ST6GAL2: variants seen among roughly 807,000 people sequenced by gnomAD.
ST6GAL2 encodes ST6 beta-galactoside alpha-2,6-sialyltransferase 2, also known as beta-galactoside alpha-2,6-sialyltransferase 2.
ST6GAL2 carries 24 observed loss-of-function variants against 37.5 expected under a neutral mutation model. The observed-to-expected ratio is 0.64, with a 90% CI of 0.46 to 0.90. ST6GAL2 has a LOEUF of 0.90. Ranked by LOEUF, ST6GAL2 falls within the 40% of genes least tolerant of loss-of-function variation. The pLI is 0.00. For synonymous variants in ST6GAL2, 306 were observed against 295.1 expected, an observed-to-expected ratio of 1.04 and a Z score of -0.38; for missense variants, 715 against 712.7, an observed-to-expected ratio of 1.00 and a Z score of -0.04.
At chr2:106,833,764 C>A (rs1381238382) in intron 3 of ST6GAL2, among the ~76,000 whole-genome samples, 1 of 152,146 alleles carries the variant, frequency 6.6e-6, no homozygotes, top group Non-Finnish European at 1.5e-5. Flanking sequence ...TCACAAAATG[C>A]AACATGCTAA....
intron 2 of ST6GAL2, among the ~76,000 whole-genome samples, chr2:106,841,789 C>T (rs1428305500): frequency 1.3e-5 from 2 of 152,146 alleles, no homozygotes; most frequent in Non-Finnish European, 2.9e-5. Context: ...CACCACTCTG[C>T]AGGAGGGAAA....
chr2:106,848,349 G>A (rs2104538462), intron 1 of ST6GAL2, among the ~76,000 whole-genome samples: 1 of 152,320 alleles, frequency 6.6e-6, no homozygotes, highest in East Asian at 1.9e-4. Context: ...TGATTTAAAA[G>A]ACAGTCTTTT....
intron 1 of ST6GAL2, among the ~76,000 whole-genome samples, chr2:106,872,332 G>A (rs983170423): frequency 6.6e-6 from 1 of 152,232 alleles, no homozygotes; most frequent in African/African-American, 2.4e-5. Context: ...TTGTGCTTAT[G>A]TTGTGGAAAT....
At chr2:106,853,865 C>T (rs578148051) in intron 1 of ST6GAL2, among the ~76,000 whole-genome samples, 2 of 152,298 alleles carry the variant, frequency 1.3e-5, no homozygotes, top group African/African-American at 4.8e-5. Flanking sequence ...CACAAGCTGC[C>T]TACTAGTTAG....
At chr2:106,877,741 C>A (rs895627403) in intron 1 of ST6GAL2, among the ~76,000 whole-genome samples, 1 of 152,224 alleles carries the variant, frequency 6.6e-6, no homozygotes, top group Non-Finnish European at 1.5e-5. Context: ...ACCATATATA[C>A]ATAAAACAAA....
chr2:106,831,360 G>T (rs1676414204), intron 4 of ST6GAL2, among the ~76,000 whole-genome samples: 1 of 152,190 alleles, frequency 6.6e-6, no homozygotes, highest in African/African-American at 2.4e-5. Flanking sequence ...TCTGTGCCCT[G>T]GGCTGAGCTG....
In ST6GAL2 at chr2:106,806,322, G is replaced by A. The variant is rs75585181; in HGVS notation, c.*356C>T. On this transcript the variant is annotated 3_prime_UTR_variant, in exon 6 of 6. Coordinates refer to ENST00000409382, the MANE Select transcript of ST6GAL2 (RefSeq NM_001142351.2). ...AACATAAACCACTTCATATGGTCAG[G>A]AACATCACCAAAACCTGTCATTGAA... 24 of 221,062 alleles carry A rather than the reference G, an allele frequency of 1.1e-4. No individual in the cohort carries two copies. In the East Asian group the frequency reaches 2.6e-3, roughly 24 times the overall value. The allele number at this position is 221,062 out of a possible 1,614,324, so 13.7% of individuals were successfully genotyped here. A position where few individuals can be genotyped will look rare whatever the true frequency, so the allele number is the denominator to read the frequency against.
rs561673834 is a variant in ST6GAL2 at position 106,851,447 on chromosome 2, A to C, written c.-57-7413T>G. The stretch of plus-strand genomic sequence containing the variant: ...TTCTGAGAGAAATGACATTTTCCAA[A>C]AGGCACAATTTATTACGAGTTGTCA... On this transcript the variant is annotated intron_variant, in intron 1 of 5. Transcript: ENST00000409382. Among the ~76,000 whole-genome samples the C allele has an allele frequency of 3.0e-4, 46 of 152,346 alleles. 1 individual carries two copies. In the South Asian group the frequency reaches 8.5e-3, roughly 28 times the overall value.
chr2:106,809,113 C>T (rs1462844879), intron 5 of ST6GAL2, among the ~76,000 whole-genome samples: 3 of 152,242 alleles, frequency 2.0e-5, no homozygotes, highest in African/African-American at 7.2e-5. Flanking sequence ...GTCTGTGGAG[C>T]TGAGGACGGC....
In ST6GAL2 at chr2:106,884,906, CATAT is replaced by C. The variant is rs772381082; in HGVS notation, c.-58+1183_-58+1186del. Among the ~76,000 whole-genome samples the C allele has an allele frequency of 1.1e-3, 82 of 76,492 alleles. 2 individuals are homozygous for C. Among genetic ancestry groups the C allele is most frequent in the South Asian group, 2.3e-3 (5 of 2,132 alleles). 50.2% of individuals were successfully genotyped at this position (76,492 alleles called of 152,430 possible). A position where few individuals can be genotyped will look rare whatever the true frequency, so the allele number is the denominator to read the frequency against. On this transcript the variant is annotated intron_variant, in intron 1 of 5. Transcript: ENST00000409382. Reference sequence around the variant, plus strand: ...AAGTTTTAACCCTAAATTTGCAGCGCATATATATATATATATATATATATATATA... The same window carrying C: ...AAGTTTTAACCCTAAATTTGCAGCGCATATATATATATATATATATATATA...
chr2:106,835,302 C>G (rs765137590), intron 2 of ST6GAL2, among the ~76,000 whole-genome samples: 2 of 152,124 alleles, frequency 1.3e-5, no homozygotes, highest in East Asian at 3.9e-4. Context: ...TTATAGTCCC[C>G]GAGCCCGCAC....
In ST6GAL2 at chr2:106,843,995, A is replaced by G; in HGVS notation, c.-18T>C. On this transcript the variant is annotated 5_prime_UTR_variant, in exon 2 of 6. Transcript: ENST00000409382. Reference sequence around the variant, plus strand: ...GGTTTCATGGCAGGTCTCTGCGGTCAGCACCTTGTGTCTTAATGCAGATGG... The same window carrying G: ...GGTTTCATGGCAGGTCTCTGCGGTCGGCACCTTGTGTCTTAATGCAGATGG... 3 of 1,547,956 alleles carry G rather than the reference A, an allele frequency of 1.9e-6. No homozygotes were observed. Among genetic ancestry groups the G allele is most frequent in the Non-Finnish European group, 2.6e-6 (3 of 1,150,120 alleles).
chr2:106,832,707 G>GTTTTTAAAATGCAA, intron 3 of ST6GAL2, 41 bp from the exon 4 acceptor site: 4 of 1,359,826 alleles, frequency 2.9e-6, no homozygotes, highest in Non-Finnish European at 4.2e-6. Flanking sequence ...CCAGGGTTTG[G>GTTTTTAAAATGCAA]TTTTTAAAAA....
intron 3 of ST6GAL2, among the ~76,000 whole-genome samples, chr2:106,832,879 G>A (rs1234907260): frequency 6.6e-6 from 1 of 152,072 alleles, no homozygotes; most frequent in African/African-American, 2.4e-5. Context: ...AAAAGCACAA[G>A]TTCTGACATT....
chr2:106,837,572 T>C (rs1676698795), intron 2 of ST6GAL2, among the ~76,000 whole-genome samples: 1 of 152,122 alleles, frequency 6.6e-6, no homozygotes, highest in Non-Finnish European at 1.5e-5. Context: ...GAGAGGAGAC[T>C]CCACCAGCGA....
rs192271463 is a variant in ST6GAL2, at chr2:106,841,483, G to A, written c.943+1552C>T. Among the ~76,000 whole-genome samples, 32 of 152,244 alleles carry A rather than the reference G, an allele frequency of 2.1e-4. 1 individual carries two copies. In the East Asian group the frequency reaches 5.8e-3, roughly 28 times the overall value. The stretch of plus-strand genomic sequence containing the variant: ...ACTCACATTTGTTTTACTGCTCCTC[G>A]TACAGAATCAAGCACATATTAGGGG... On this transcript the variant is annotated intron_variant, in intron 2 of 5. Transcript: ENST00000409382.
chr2:106,857,026 T>A (rs1053151528), intron 1 of ST6GAL2, among the ~76,000 whole-genome samples: 3 of 152,162 alleles, frequency 2.0e-5, no homozygotes, highest in African/African-American at 7.2e-5. Context: ...GTGAAAGTCA[T>A]AGACAGGTAA....
intron 4 of ST6GAL2, among the ~76,000 whole-genome samples, chr2:106,831,389 A>G (rs1240146708): frequency 6.6e-6 from 1 of 152,242 alleles, no homozygotes; most frequent in Non-Finnish European, 1.5e-5. Context: ...AGAGGAAGAA[A>G]TAAGGTCCAA....
intron 2 of ST6GAL2, among the ~76,000 whole-genome samples, chr2:106,840,347 T>A (rs1676826935): frequency 6.6e-6 from 1 of 152,204 alleles, no homozygotes. Context: ...AAGCCATTCA[T>A]AACTATGTGG....
Sources: gnomAD v4.1 joint callset for allele counts (sites outside exome capture counted in the v4.1 genomes callset) on GRCh38, gnomAD v4.1.1 for gene constraint, MANE v1.5 for transcripts, NCBI Gene and HGNC (gene_info 2026-07-23, HGNC 2026-07-21) for gene names.